S100Z: variants seen among roughly 807,000 people sequenced by gnomAD.
S100Z encodes the protein S100 calcium binding protein Z, also known as protein S100-Z.
In S100Z, 11 loss-of-function variants were observed where a neutral mutation model predicts 8.5. The ratio of observed to expected loss-of-function variants is 1.30; its 90% CI spans 0.82 to 2.15. S100Z has a LOEUF of 2.15. S100Z is among the 30% of genes most tolerant of loss of function. S100Z has a pLI of 0.00. For synonymous variants in S100Z, 34 were observed against 43.8 expected (o/e 0.78, Z 0.89); for missense variants, 126 against 117.9 (o/e 1.07, Z -0.32).
chr5:76,882,619 T>C (rs1347671113), intron 4 of S100Z, among the ~76,000 whole-genome samples: 2 of 152,138 alleles, frequency 1.3e-5, no homozygotes, highest in African/African-American at 4.8e-5. Context: ...GCATTGGGGT[T>C]TGGGAGATTA....
chr5:76,891,156 C>T (rs1351854622), intron 4 of S100Z, among the ~76,000 whole-genome samples: 1 of 152,236 alleles, frequency 6.6e-6, no homozygotes, highest in Non-Finnish European at 1.5e-5. Context: ...AGCCACCATG[C>T]CCGGCCCCCA....
chr5:76,902,432 G>A (rs551259507), intron 4 of S100Z, among the ~76,000 whole-genome samples: 48 of 152,310 alleles, frequency 3.2e-4, no homozygotes, highest in African/African-American at 1.1e-3. Flanking sequence ...CAATTGCAGT[G>A]TTCTCCCTCT....
the S100Z span, among the ~76,000 whole-genome samples, chr5:76,945,974 A>G: frequency 6.6e-6 from 1 of 152,164 alleles, no homozygotes; most frequent in Non-Finnish European, 1.5e-5. Flanking sequence ...TCCAAAGGCC[A>G]TTGTGCAAAC....
intron 4 of S100Z, among the ~76,000 whole-genome samples, chr5:76,919,757 C>G (rs1744979076): frequency 1.3e-5 from 2 of 151,862 alleles, no homozygotes; most frequent in Admixed American, 6.6e-5. Flanking sequence ...CAAGTGCATG[C>G]CACCATACTG....
chr5:76,938,969 C>G, the S100Z span, among the ~76,000 whole-genome samples: 2 of 152,154 alleles, frequency 1.3e-5, no homozygotes, highest in South Asian at 4.1e-4. Context: ...TAAGGACCAC[C>G]TATTATGACA....
intron 4 of S100Z, among the ~76,000 whole-genome samples, chr5:76,887,635 T>C: frequency 6.6e-6 from 1 of 151,912 alleles, no homozygotes; most frequent in African/African-American, 2.4e-5. Flanking sequence ...TGAACACAAG[T>C]GATCCACCTG....
At chr5:76,927,540 G>A in the S100Z span, among the ~76,000 whole-genome samples, 48,314 of 152,056 alleles carry the variant, frequency 0.32, 8,028 homozygotes, top group Middle Eastern at 0.4. Flanking sequence ...AGCCACAACC[G>A]GTCTGGGTTG....
Position 76,912,049 on chromosome 5 carries a change from GC to G in S100Z, c.*3-8667del, listed in dbSNP as rs1206558349. ...CCTAAGTAAGGAAATTGATGTAGTA[GC>G]AAAAGGCTGGCCTCACTGTTTAAGG... On this transcript the variant is annotated intron_variant, in intron 4 of 4. Transcript: ENST00000317593. 7.6e-4 allele frequency among the ~76,000 whole-genome samples: 115 copies of G among 151,654 alleles called. 1 individual carries two copies. Among genetic ancestry groups the G allele is most frequent in the Middle Eastern group, 3.4e-3 (1 of 294 alleles).
chr5:76,912,091 G>GTTGT (rs68132134), intron 4 of S100Z, among the ~76,000 whole-genome samples: 6 of 151,484 alleles, frequency 4.0e-5, no homozygotes, highest in African/African-American at 1.5e-4. Flanking sequence ...TGCGGCGTTG[G>GTTGT]CTTAGTGTCA....
At chr5:76,890,423 A>C (rs1743815681) in intron 4 of S100Z, among the ~76,000 whole-genome samples, 1 of 152,242 alleles carries the variant, frequency 6.6e-6, no homozygotes, top group African/African-American at 2.4e-5. Flanking sequence ...GTCTTTGATA[A>C]GGCAAAGAAA....
chr5:76,901,041 C>T (rs551488314), intron 4 of S100Z, among the ~76,000 whole-genome samples: 1 of 152,352 alleles, frequency 6.6e-6, no homozygotes, highest in South Asian at 2.1e-4. Flanking sequence ...CAGACAGAGA[C>T]TCTAGTTCTC....
At chr5:76,863,193 G>GTA (rs1229021889) in intron 1 of S100Z, among the ~76,000 whole-genome samples, 1 of 152,210 alleles carries the variant, frequency 6.6e-6, no homozygotes, top group African/African-American at 2.4e-5. Flanking sequence ...GAGGAAAAGA[G>GTA]TATAGTCAAG....
At chr5:76,860,668 A>G (rs1751029445) in intron 1 of S100Z, among the ~76,000 whole-genome samples, 1 of 152,206 alleles carries the variant, frequency 6.6e-6, no homozygotes, top group Non-Finnish European at 1.5e-5. Flanking sequence ...AATCAGAAAC[A>G]ATGATTTTTG....
chr5:76,929,508 G>A, the S100Z span, among the ~76,000 whole-genome samples: 1 of 152,164 alleles, frequency 6.6e-6, no homozygotes, highest in South Asian at 2.1e-4. Context: ...AGACAAATTT[G>A]GCCAAATATA....
At chr5:76,884,037 G>A (rs1743505617) in intron 4 of S100Z, among the ~76,000 whole-genome samples, 1 of 152,098 alleles carries the variant, frequency 6.6e-6, no homozygotes, top group South Asian at 2.1e-4. Context: ...GGTTAATTAA[G>A]TCCTGTTGTG....
rs1302016220 is a variant in S100Z at position 76,875,420 on chromosome 5, G to A, written c.61G>A (p.Gly21Ser). Residue 21 changes from glycine to serine, a missense_variant, in exon 3 of 5, where the codon GGC (glycine) becomes AGC (serine). By Grantham distance (56) the Gly-to-Ser change is moderately conservative. Transcript: ENST00000317593. ...GATTAGAATCTTCCACCGCTATTCT[G>A]GCAAGGAAAGGAAGAGATTCAAGCT... Reference protein sequence around the residue: ...TMIRIFHRYSGKERKRFKLSK... With the variant: ...TMIRIFHRYSSKERKRFKLSK... 6.2e-7 allele frequency: 1 copy of A among 1,613,290 alleles called. No homozygotes were observed. The highest frequency in any genetic ancestry group is 2.2e-5 in the East Asian group (1 of 44,854).
chr5:76,879,576 T>C (rs574584692), intron 4 of S100Z, among the ~76,000 whole-genome samples: 40 of 152,326 alleles, frequency 2.6e-4, no homozygotes, highest in Middle Eastern at 3.4e-3. Context: ...AAATATGATC[T>C]GGTCTGGATC....
At chr5:76,907,437 G>C (rs1744495714) in intron 4 of S100Z, among the ~76,000 whole-genome samples, 1 of 151,996 alleles carries the variant, frequency 6.6e-6, no homozygotes, top group African/African-American at 2.4e-5. Flanking sequence ...CCAAGTAGCT[G>C]GGACTACAGG....
At chr5:76,885,447 C>CT (rs1439737512) in intron 4 of S100Z, among the ~76,000 whole-genome samples, 1 of 12,958 alleles carries the variant, frequency 7.7e-5, no homozygotes, top group South Asian at 6.8e-4. Context: ...AGGTGCTTGT[C>CT]CCCAGGAAAG....
Sources: gnomAD v4.1 joint callset for allele counts (sites outside exome capture counted in the v4.1 genomes callset) on GRCh38, gnomAD v4.1.1 for gene constraint, MANE v1.5 for transcripts, NCBI Gene and HGNC (gene_info 2026-07-23, HGNC 2026-07-21) for gene names.